The following FAM13A variants were observed in gnomAD, a reference collection of about 807,000 sequenced individuals.
FAM13A encodes protein FAM13A.
In FAM13A, 76 loss-of-function variants were observed where a neutral mutation model predicts 129.6. The observed-to-expected ratio is 0.59, with a 90% confidence interval of 0.49 to 0.71. The LOEUF is 0.71. FAM13A is among the 30% of genes least tolerant of loss of function. The pLI is 0.00. For missense variants in FAM13A, 1,108 were observed against 1,249.3 expected (o/e 0.89, Z 1.70); for synonymous variants, 443 against 449.9 (o/e 0.98, Z 0.20).
chr4:88,755,602 C>T (rs1743453313), intron 14 of FAM13A, among the ~76,000 whole-genome samples: 1 of 152,174 alleles, frequency 6.6e-6, no homozygotes, highest in South Asian at 2.1e-4. Context: ...GCATCAGGTG[C>T]AAATGAGGAG....
chr4:88,823,040 G>C (rs778536980), intron 7 of FAM13A: 2 of 1,613,060 alleles, frequency 1.2e-6, no homozygotes, highest in Non-Finnish European at 1.7e-6. Flanking sequence ...TCTCACAACT[G>C]TCTCTTCCAC....
chr4:88,879,122 G>T (rs2150116601), intron 6 of FAM13A, among the ~76,000 whole-genome samples: 1 of 152,302 alleles, frequency 6.6e-6, no homozygotes, highest in East Asian at 1.9e-4. Context: ...GAGAATAGCT[G>T]CTGTCATGAT....
intron 6 of FAM13A, among the ~76,000 whole-genome samples, chr4:88,905,138 T>A (rs1406945343): frequency 6.6e-6 from 1 of 152,088 alleles, no homozygotes; most frequent in Non-Finnish European, 1.5e-5. Flanking sequence ...AAATTATATG[T>A]AAGTATGTAT....
intron 3 of FAM13A, among the ~76,000 whole-genome samples, chr4:88,996,971 A>C (rs1229439573): frequency 6.6e-6 from 1 of 152,212 alleles, no homozygotes; most frequent in Non-Finnish European, 1.5e-5. Context: ...ATGTGGAATA[A>C]TTTAGTCCAT....
chr4:89,000,173 A>G (rs1764061040), intron 3 of FAM13A, among the ~76,000 whole-genome samples: 1 of 152,220 alleles, frequency 6.6e-6, no homozygotes. Context: ...AAGTTACAAT[A>G]TAACATAGCA....
At chr4:89,016,189 A>AC (rs1491327497) in intron 3 of FAM13A, among the ~76,000 whole-genome samples, 1 of 97,228 alleles carries the variant, frequency 1.0e-5, no homozygotes, top group Non-Finnish European at 2.2e-5. Context: ...GCCTTAGTTT[A>AC]AAAAAAAAAA....
At chr4:88,758,725 C>A in intron 14 of FAM13A, 29 bp downstream of exon 14, 2 of 1,598,680 alleles carry the variant, frequency 1.3e-6, no homozygotes, top group East Asian at 2.2e-5. Context: ...TTAATGATAG[C>A]AAATCATCCA....
intron 4 of FAM13A, among the ~76,000 whole-genome samples, chr4:88,975,211 G>C (rs1760734609): frequency 6.6e-6 from 1 of 152,168 alleles, no homozygotes; most frequent in South Asian, 2.1e-4. Context: ...ATTCGTAACA[G>C]AGGGCAGAGC....
chr4:88,931,627 A>C (rs1753049881), intron 5 of FAM13A, among the ~76,000 whole-genome samples: 1 of 152,174 alleles, frequency 6.6e-6, no homozygotes, highest in African/African-American at 2.4e-5. Context: ...TACTGGGTCT[A>C]TTCAGCCATC....
intron 1 of FAM13A, among the ~76,000 whole-genome samples, chr4:89,048,184 A>C (rs1441823718): frequency 6.6e-6 from 1 of 152,246 alleles, no homozygotes; most frequent in Non-Finnish European, 1.5e-5. Flanking sequence ...CTTGATTTGT[A>C]TATTAATGTT....
chr4:88,967,666 G>C (rs1759527018), intron 4 of FAM13A, among the ~76,000 whole-genome samples: 1 of 152,184 alleles, frequency 6.6e-6, no homozygotes, highest in African/African-American at 2.4e-5. Context: ...ACACAGAAAA[G>C]ATGCCCGGCA....
At chr4:88,901,533 A>C (rs540768033) in intron 6 of FAM13A, among the ~76,000 whole-genome samples, 1 of 152,314 alleles carries the variant, frequency 6.6e-6, no homozygotes, top group African/African-American at 2.4e-5. Flanking sequence ...CTGCTCCTGA[A>C]TGACACTTGG....
intron 4 of FAM13A, among the ~76,000 whole-genome samples, chr4:88,974,174 G>A (rs1437343663): frequency 6.6e-6 from 1 of 152,094 alleles, no homozygotes; most frequent in Non-Finnish European, 1.5e-5. Flanking sequence ...ATGACTCAGT[G>A]GCCCTAGAGT....
At chr4:88,808,904 A>G (rs191059408) in intron 7 of FAM13A, among the ~76,000 whole-genome samples, 1 of 152,294 alleles carries the variant, frequency 6.6e-6, no homozygotes, top group East Asian at 1.9e-4. Flanking sequence ...AAGAACATTT[A>G]TCATATAGAC....
intron 7 of FAM13A, among the ~76,000 whole-genome samples, chr4:88,846,034 G>T (rs1736589952): frequency 6.6e-6 from 1 of 152,058 alleles, no homozygotes; most frequent in African/African-American, 2.4e-5. Flanking sequence ...CATAGTGGTA[G>T]CTATTTCTTT....
chr4:88,844,120 C>A (rs530447108), intron 7 of FAM13A, among the ~76,000 whole-genome samples: 1 of 152,314 alleles, frequency 6.6e-6, no homozygotes, highest in Non-Finnish European at 1.5e-5. Flanking sequence ...ACAATAGCAA[C>A]TACGGCAGCA....
At chr4:88,902,567 G>C (rs1173648425) in intron 6 of FAM13A, among the ~76,000 whole-genome samples, 2 of 151,882 alleles carry the variant, frequency 1.3e-5, no homozygotes, top group Non-Finnish European at 2.9e-5. Context: ...CATACTTCAT[G>C]TTAAAAACTT....
chr4:88,837,650 G>A (rs1218411946), intron 7 of FAM13A, among the ~76,000 whole-genome samples: 4 of 149,756 alleles, frequency 2.7e-5, no homozygotes, highest in African/African-American at 9.9e-5. Context: ...CCTGGGAGGC[G>A]GAGGTTGCGG....
intron 6 of FAM13A, among the ~76,000 whole-genome samples, chr4:88,899,316 T>A (rs556343885): frequency 6.6e-6 from 1 of 151,916 alleles, no homozygotes; most frequent in African/African-American, 2.4e-5. Context: ...ATAAGAATGA[T>A]ACAATGGACT....
Sources: allele counts gnomAD v4.1 joint callset (sites outside exome capture counted in the v4.1 genomes callset), GRCh38; gene constraint gnomAD v4.1.1; transcripts MANE v1.5; gene names NCBI Gene and HGNC (gene_info 2026-07-23, HGNC 2026-07-21).